NHEJ1: variants seen among roughly 807,000 people sequenced by gnomAD.
The protein encoded by NHEJ1 is non-homologous end-joining factor 1.
NHEJ1 carries 22 observed loss-of-function variants against 39.4 expected under a neutral mutation model. The observed-to-expected ratio is 0.56, with a 90% confidence interval of 0.40 to 0.80. The LOEUF (loss-of-function observed/expected upper bound fraction) is 0.80. Among genes scored for constraint, NHEJ1 ranks in the 30% least tolerant of loss-of-function variants. The probability of loss-of-function intolerance (pLI) is 0.00; values close to 1 mark genes in which losing one functional copy is unlikely to be tolerated. For missense variants in NHEJ1, 329 were observed against 357.1 expected, an observed-to-expected ratio of 0.92 and a Z score of 0.63; for synonymous variants, 154 against 135.6, an observed-to-expected ratio of 1.14 and a Z score of -0.94.
At chr2:219,143,105 C>T (rs1345795766) in intron 5 of NHEJ1, among the ~76,000 whole-genome samples, 1 of 152,178 alleles carries the variant, frequency 6.6e-6, no homozygotes, top group Non-Finnish European at 1.5e-5. Flanking sequence ...TGACCCCAGG[C>T]AATGACCGCA....
At chr2:219,089,078 C>G (rs1236600966) in intron 5 of NHEJ1, among the ~76,000 whole-genome samples, 4 of 152,188 alleles carry the variant, frequency 2.6e-5, no homozygotes, top group African/African-American at 7.2e-5. Flanking sequence ...CTCAGCCTCC[C>G]AAAGTGCTCG....
At chr2:219,124,596 ATAC>A (rs2106347171) in intron 5 of NHEJ1, 1 of 152,620 alleles carries the variant, frequency 6.6e-6, no homozygotes, top group South Asian at 2.1e-4. Context: ...GTGCACACAC[ATAC>A]AACACACTCA....
At chr2:219,157,731 A>T in intron 2 of NHEJ1, 47 bp from the exon 3 acceptor site, 1 of 1,488,630 alleles carries the variant, frequency 6.7e-7, no homozygotes, top group African/African-American at 1.4e-5. Flanking sequence ...AAAGGAAACT[A>T]ATTCCCTCAT....
chr2:219,128,412 A>C (rs1421637442), intron 5 of NHEJ1, among the ~76,000 whole-genome samples: 1 of 152,156 alleles, frequency 6.6e-6, no homozygotes, highest in Non-Finnish European at 1.5e-5. Context: ...AGTTTTCAGA[A>C]GGGAAGAGGA....
chr2:219,142,210 GGAAGA>G (rs55835935), intron 5 of NHEJ1, among the ~76,000 whole-genome samples: 75,852 of 151,440 alleles, frequency 0.5, 21,294 homozygotes, highest in Non-Finnish European at 0.64. Context: ...ACGACTGCAG[GGAAGA>G]GAAGAGAAGA....
At chr2:219,082,381 C>T (rs1287642605) in intron 5 of NHEJ1, among the ~76,000 whole-genome samples, 1 of 152,200 alleles carries the variant, frequency 6.6e-6, no homozygotes, top group African/African-American at 2.4e-5. Context: ...TAACTCTCAT[C>T]TTCATGGGGT....
intron 5 of NHEJ1, among the ~76,000 whole-genome samples, chr2:219,105,214 G>T (rs577772291): frequency 1.4e-4 from 21 of 152,280 alleles, no homozygotes; most frequent in Admixed American, 9.1e-4. Flanking sequence ...AACATAGGGT[G>T]TTAATCAGAA....
intron 5 of NHEJ1, among the ~76,000 whole-genome samples, chr2:219,121,490 T>C (rs950764718): frequency 1.3e-5 from 2 of 152,190 alleles, no homozygotes; most frequent in Non-Finnish European, 2.9e-5. Flanking sequence ...TTTATTATTG[T>C]TCTGATTTTT....
intron 6 of NHEJ1, 52 bp from the exon 7 acceptor site, chr2:219,077,416 AG>A: frequency 1.5e-6 from 2 of 1,346,614 alleles, no homozygotes; most frequent in Non-Finnish European, 2.1e-6. Flanking sequence ...TCTTCTTACC[AG>A]GAAGATATTA....
chr2:219,147,996 C>T (rs531327755), intron 3 of NHEJ1, among the ~76,000 whole-genome samples: 2 of 152,300 alleles, frequency 1.3e-5, no homozygotes, highest in African/African-American at 2.4e-5. Context: ...CAGTGGCTAA[C>T]GTCTGTAATC....
intron 7 of NHEJ1, 45 bp downstream of exon 7, chr2:219,077,201 G>A (rs374516572): frequency 2.7e-5 from 39 of 1,419,886 alleles, no homozygotes; most frequent in Middle Eastern, 1.9e-4. Context: ...GGGGCTATAG[G>A]TGCCAACTCT....
At chr2:219,097,216 C>T (rs908201740) in intron 5 of NHEJ1, among the ~76,000 whole-genome samples, 2 of 152,168 alleles carry the variant, frequency 1.3e-5, no homozygotes, top group African/African-American at 4.8e-5. Context: ...ATATTTTAAA[C>T]TTACGATGGG....
chr2:219,073,267 G>C lies in NHEJ1; in HGVS notation c.*3114C>G, dbSNP rs1948980633. ...AGGAATTCGCTTCTCAGGAATCAGGGAAAGATGGAGACTAGAAGCTTTCTT... is the reference window on the plus strand; with the variant it reads ...AGGAATTCGCTTCTCAGGAATCAGGCAAAGATGGAGACTAGAAGCTTTCTT... On this transcript the variant is annotated 3_prime_UTR_variant, in exon 8 of 8. Coordinates refer to ENST00000356853, the MANE Select transcript of NHEJ1 (RefSeq NM_024782.3). Among the ~76,000 whole-genome samples, 3 of 152,188 alleles carry C rather than the reference G, an allele frequency of 2.0e-5. No homozygotes were observed. In the South Asian group the frequency reaches 6.2e-4, roughly 32 times the overall value.
At chr2:219,126,675 A>G (rs1949526349) in intron 5 of NHEJ1, among the ~76,000 whole-genome samples, 1 of 152,176 alleles carries the variant, frequency 6.6e-6, no homozygotes, top group Admixed American at 6.5e-5. Flanking sequence ...AGGAGCCAGA[A>G]AAACCAGTAA....
chr2:219,149,654 A>G (rs1345630807), intron 3 of NHEJ1, among the ~76,000 whole-genome samples: 5 of 152,228 alleles, frequency 3.3e-5, no homozygotes, highest in African/African-American at 1.2e-4. Context: ...TTAATAATCT[A>G]TCTGTGACTA....
At chr2:219,144,928 T>C (rs1391282966) in intron 5 of NHEJ1, among the ~76,000 whole-genome samples, 2 of 152,098 alleles carry the variant, frequency 1.3e-5, no homozygotes, top group African/African-American at 4.8e-5. Flanking sequence ...TTGAAACCTT[T>C]TCTAGGCTAG....
chr2:219,133,246 G>A (rs1014151967), intron 5 of NHEJ1, among the ~76,000 whole-genome samples: 8 of 152,158 alleles, frequency 5.3e-5, no homozygotes, highest in African/African-American at 1.4e-4. Flanking sequence ...AATATCACCC[G>A]TAAGTGAAGG....
chr2:219,104,600 T>C (rs1219774327), intron 5 of NHEJ1, among the ~76,000 whole-genome samples: 4 of 152,082 alleles, frequency 2.6e-5, no homozygotes, highest in Non-Finnish European at 5.9e-5. Context: ...AGAACAACTT[T>C]TACTACATGA....
chr2:219,148,452 G>A (rs1310642173), intron 3 of NHEJ1, among the ~76,000 whole-genome samples: 3 of 152,076 alleles, frequency 2.0e-5, no homozygotes, highest in Non-Finnish European at 2.9e-5. Flanking sequence ...CCAACTACTC[G>A]GGAGGCTGAG....
Sources: allele counts gnomAD v4.1 joint callset (sites outside exome capture counted in the v4.1 genomes callset), GRCh38; gene constraint gnomAD v4.1.1; transcripts MANE v1.5; gene names NCBI Gene and HGNC (gene_info 2026-07-23, HGNC 2026-07-21).